SHCBP1L: variants seen among roughly 807,000 people sequenced by gnomAD.
SHCBP1L encodes testicular spindle-associated protein SHCBP1L.
SHCBP1L carries 67 observed loss-of-function variants against 62.5 expected under a neutral mutation model. The observed-to-expected ratio is 1.07, with a 90% CI of 0.88 to 1.31. SHCBP1L has a LOEUF of 1.31. SHCBP1L is among the 40% of genes most tolerant of loss of function. SHCBP1L has a pLI of 0.00. For synonymous variants in SHCBP1L, 284 were observed against 289.4 expected (o/e 0.98, Z 0.19); for missense variants, 823 against 809.8 (o/e 1.02, Z -0.20).
intron 7 of SHCBP1L, 87 bp from the exon 8 acceptor site, chr1:182,904,517 A>C: frequency 7.4e-7 from 1 of 1,357,376 alleles, no homozygotes; most frequent in Non-Finnish European, 1.0e-6. Context: ...GCTGTTACTA[A>C]AGTTTTTCCC....
rs927105795 is a variant in SHCBP1L at position 182,948,151 on chromosome 1, C to T, written c.555+3167G>A. On this transcript the variant is annotated intron_variant, in intron 2 of 9. Transcript: ENST00000367547. ...TATTTGGGAAGTCAAAAGTTATACACGGATTTTTGACTGTGCAGGGCCCTG... is the reference window on the plus strand; with the variant it reads ...TATTTGGGAAGTCAAAAGTTATACATGGATTTTTGACTGTGCAGGGCCCTG... 3.3e-5 allele frequency among the ~76,000 whole-genome samples: 5 copies of T among 152,172 alleles called. No homozygotes were observed. In the East Asian group the frequency reaches 9.6e-4, roughly 29 times the overall value.
intron 2 of SHCBP1L, among the ~76,000 whole-genome samples, chr1:182,944,157 A>AAATAAATAAATAAATAAATAAAT (rs1261244494): frequency 1.9e-5 from 1 of 53,302 alleles, no homozygotes; most frequent in African/African-American, 1.5e-4. Flanking sequence ...AATAAATAAA[A>AAATAAATAAATAAATAAATAAAT]GAGGCCGGGA....
intron 2 of SHCBP1L, chr1:182,950,807 C>A (rs1025697226): frequency 6.6e-6 from 1 of 152,062 alleles, no homozygotes; most frequent in Non-Finnish European, 1.5e-5. Flanking sequence ...AGTGCAGTGG[C>A]ATGATCTCAG....
intron 2 of SHCBP1L, among the ~76,000 whole-genome samples, chr1:182,948,713 A>T (rs575435003): frequency 6.6e-6 from 1 of 152,346 alleles, no homozygotes; most frequent in African/African-American, 2.4e-5. Flanking sequence ...ATAGAAAACT[A>T]ATACAGCATC....
intron 2 of SHCBP1L, among the ~76,000 whole-genome samples, chr1:182,940,958 C>T (rs1487644826): frequency 6.6e-6 from 1 of 151,980 alleles, no homozygotes; most frequent in Non-Finnish European, 1.5e-5. Context: ...CTCAAGCCAT[C>T]CTCTTACCTC....
intron 5 of SHCBP1L, among the ~76,000 whole-genome samples, chr1:182,930,196 G>A (rs1397512288): frequency 1.3e-5 from 2 of 152,090 alleles, no homozygotes; most frequent in African/African-American, 2.4e-5. Flanking sequence ...TTGTTTCAAA[G>A]GATATTATCT....
intron 1 of SHCBP1L, among the ~76,000 whole-genome samples, chr1:182,952,191 A>AATATATATAT (rs869051143): frequency 2.9e-4 from 7 of 24,246 alleles, no homozygotes; most frequent in Non-Finnish European, 3.8e-4. Context: ...AAAAAAAAAA[A>AATATATATAT]ATATATATAT....
intron 5 of SHCBP1L, among the ~76,000 whole-genome samples, chr1:182,934,315 T>C (rs1651099817): frequency 6.6e-6 from 1 of 152,288 alleles, no homozygotes; most frequent in African/African-American, 2.4e-5. Flanking sequence ...CAACAAAGAA[T>C]GAGAGTTCCT....
chr1:182,952,225 TATATATATATAC>T lies in SHCBP1L; in HGVS notation c.405+492_405+503del, dbSNP rs1245977416. 6.4e-3 allele frequency among the ~76,000 whole-genome samples: 404 copies of T among 62,680 alleles called. 1 individual carries two copies. The highest frequency in any genetic ancestry group is 0.058 in the East Asian group (100 of 1,732). 41.1% of individuals were successfully genotyped at this position (62,680 alleles called of 152,430 possible). A position where few individuals can be genotyped will look rare whatever the true frequency, so the allele number is the denominator to read the frequency against. Reference sequence around the variant, plus strand: ...ATATATATATATATATATATATATATATATATATATACACACACACACACACACACACACATT... The same window carrying T: ...ATATATATATATATATATATATATATACACACACACACACACACACACATT... On this transcript the variant is annotated intron_variant, in intron 1 of 9. Transcript: ENST00000367547.
In SHCBP1L at chr1:182,924,935, G is replaced by GAAGGAAGGAAGAAAGAAAGA. The variant is rs1469823824; in HGVS notation, c.1182+4711_1182+4712insTCTTTCTTTCTTCCTTCCTT. On this transcript the variant is annotated intron_variant, in intron 6 of 9. Transcript: ENST00000367547. ...AAAGGAAAGGAAGGAAGGAAGGAAG[G>GAAGGAAGGAAGAAAGAAAGA]AAGAAAGAAAGAAAGAAAGAAAGAA... Among the ~76,000 whole-genome samples the GAAGGAAGGAAGAAAGAAAGA allele has an allele frequency of 5.8e-4, 36 of 62,378 alleles. 1 individual carries two copies. The highest frequency in any genetic ancestry group is 2.1e-3 in the Admixed American group (9 of 4,376). 40.9% of individuals were successfully genotyped at this position (62,378 alleles called of 152,430 possible). A position where few individuals can be genotyped will look rare whatever the true frequency, so the allele number is the denominator to read the frequency against.
At position 182,924,756 on chromosome 1, in the gene SHCBP1L, GAA is replaced by G. The variant is rs1415174602; in HGVS notation, c.1182+4889_1182+4890del. Among the ~76,000 whole-genome samples, 8 of 86,452 alleles carry G rather than the reference GAA, an allele frequency of 9.3e-5. No individual in the cohort carries two copies. In the East Asian group the frequency reaches 1.1e-3, roughly 12 times the overall value. 56.7% of individuals were successfully genotyped at this position (86,452 alleles called of 152,430 possible). A position where few individuals can be genotyped will look rare whatever the true frequency, so the allele number is the denominator to read the frequency against. On this transcript the variant is annotated intron_variant, in intron 6 of 9. Transcript: ENST00000367547. ...AGAAAGAAAGAAAGAAAGAAAGAAA[GAA>G]AGAAAGAAAGAAAGAAAGAAAGAAA...
Position 182,924,701 on chromosome 1 carries a change from GAAGAAAGAAAGAAAGAAAGA to G in SHCBP1L, c.1182+4926_1182+4945del, listed in dbSNP as rs199794601. On this transcript the variant is annotated intron_variant, in intron 6 of 9. Coordinates refer to ENST00000367547, the MANE Select transcript of SHCBP1L (RefSeq NM_030933.4). ...GAAAGGAAAGGAAAGGAAAGGAAAG[GAAGAAAGAAAGAAAGAAAGA>G]AAGAAAGAAAGAAAGAAAGAAAGAA... Among the ~76,000 whole-genome samples, 262 of 33,272 alleles carry G rather than the reference GAAGAAAGAAAGAAAGAAAGA, an allele frequency of 7.9e-3. 2 individuals carry two copies. Among genetic ancestry groups the G allele is most frequent in the East Asian group, 0.024 (31 of 1,288 alleles). The allele number at this position is 33,272 out of a possible 152,430, so 21.8% of individuals were successfully genotyped here.
intron 2 of SHCBP1L, among the ~76,000 whole-genome samples, chr1:182,948,959 T>A (rs1651661130): frequency 6.6e-6 from 1 of 152,186 alleles, no homozygotes; most frequent in African/African-American, 2.4e-5. Context: ...TTTTCCTCTG[T>A]TCTTATGCTT....
At chr1:182,927,284 A>T (rs1650796491) in intron 6 of SHCBP1L, among the ~76,000 whole-genome samples, 1 of 151,760 alleles carries the variant, frequency 6.6e-6, no homozygotes, top group Non-Finnish European at 1.5e-5. Context: ...TCACCAACAT[A>T]AGATGATGGG....
rs562441917 is a variant in SHCBP1L at position 182,951,377 on chromosome 1, T to G, written c.496A>C (p.Ser166Arg). 3 of 1,609,640 alleles carry G rather than the reference T, an allele frequency of 1.9e-6. No individual in the cohort carries two copies. The African/African-American group carries it at 4.0e-5, about 21-fold the overall frequency. The change falls in exon 2 of 10, where the codon AGT becomes CGT. Residue 166 changes from serine (S) to arginine (R), a missense_variant. Transcript: ENST00000367547. The part of the protein sequence containing the change: ...KWLGVWKTNP[S>R]VFFVKYEEAS... ...TCTTCATATTTCACAAAGAATACAC[T>G]GGGATTAGTCTTCCAGACTCCAAGC...
chr1:182,942,394 C>T, intron 2 of SHCBP1L: 1 of 727,962 alleles, frequency 1.4e-6, no homozygotes, highest in South Asian at 1.4e-5. Flanking sequence ...TGACCTTCCT[C>T]TTGGGTATCC....
intron 6 of SHCBP1L, among the ~76,000 whole-genome samples, chr1:182,911,375 G>A (rs1343841808): frequency 6.6e-6 from 1 of 152,076 alleles, no homozygotes; most frequent in Admixed American, 6.6e-5. Context: ...CAAACCCTGG[G>A]GAGGAGTAGA....
At chr1:182,929,900 G>C (rs1650903564) in intron 5 of SHCBP1L, 148 bp from the exon 6 acceptor site, 1 of 576,782 alleles carries the variant, frequency 1.7e-6, no homozygotes, top group Non-Finnish European at 3.0e-6. Flanking sequence ...CAACTTGAGA[G>C]CAATGTAATG....
chr1:182,922,858 G>A (rs1473967138), intron 6 of SHCBP1L, among the ~76,000 whole-genome samples: 1 of 152,016 alleles, frequency 6.6e-6, no homozygotes, highest in Non-Finnish European at 1.5e-5. Flanking sequence ...AAAAATAAGA[G>A]TAAACCAATC....
Sources: allele counts gnomAD v4.1 joint callset (sites outside exome capture counted in the v4.1 genomes callset), GRCh38; gene constraint gnomAD v4.1.1; transcripts MANE v1.5; gene names NCBI Gene and HGNC (gene_info 2026-07-23, HGNC 2026-07-21).